The following SUN1 variants were observed in gnomAD, a reference collection of about 807,000 sequenced individuals.
SUN1 encodes the protein Sad1 and UNC84 domain containing 1.
SUN1 carries 61 observed loss-of-function variants against 103.2 expected under a neutral mutation model. The observed-to-expected ratio is 0.59, with a 90% CI of 0.48 to 0.73. SUN1 has a LOEUF of 0.73. Ranked by LOEUF, SUN1 falls within the 30% of genes least tolerant of loss-of-function variation. The pLI is 0.00. For synonymous variants in SUN1, 490 were observed against 425.7 expected, an observed-to-expected ratio of 1.15 and a Z score of -1.86; for missense variants, 1,052 against 1,034.6, an observed-to-expected ratio of 1.02 and a Z score of -0.23.
chr7:834,507 C>T (rs1180509437), intron 1 of SUN1, among the ~76,000 whole-genome samples: 2 of 152,192 alleles, frequency 1.3e-5, no homozygotes, highest in African/African-American at 4.8e-5. Flanking sequence ...CCTGGGCTGG[C>T]CTCCCGCAGA....
At chr7:816,642 C>A (rs770731644) in exon 1 of SUN1, 1 of 320,566 alleles carries the variant, frequency 3.1e-6, no homozygotes. Context: ...CTGGGCGGCG[C>A]AGACGAGGCC....
Position 841,930 on chromosome 7 carries a change from T to A in SUN1, c.267-16T>A, listed in dbSNP as rs2128296251. The A allele has an allele frequency of 6.2e-7, 1 of 1,612,904 alleles. No homozygotes were observed. The highest frequency in any genetic ancestry group is 1.3e-5 in the African/African-American group (1 of 75,032). ...TAGAAAAGATCTATAAACTTGCTGT[T>A]TTTTTTTCTTCTTAGAACAACAAAA... On this transcript the variant is annotated splice_polypyrimidine_tract_variant and intron_variant, in intron 2 of 18. Coordinates refer to ENST00000401592, the MANE Select transcript of SUN1 (RefSeq NM_001130965.3).
At chr7:822,144 A>C (rs560474590) in intron 1 of SUN1, among the ~76,000 whole-genome samples, 9 of 152,354 alleles carry the variant, frequency 5.9e-5, no homozygotes, top group Middle Eastern at 3.4e-3. Context: ...GTGTCAGATG[A>C]AAATACAGAA....
chr7:836,435 C>G (rs925495187), intron 1 of SUN1, among the ~76,000 whole-genome samples: 2 of 152,132 alleles, frequency 1.3e-5, no homozygotes, highest in East Asian at 3.8e-4. Flanking sequence ...GTTGAGTTGG[C>G]AAGGGGAGAC....
intron 1 of SUN1, among the ~76,000 whole-genome samples, chr7:825,546 G>A (rs1453138114): frequency 2.0e-5 from 3 of 152,136 alleles, no homozygotes; most frequent in Admixed American, 2.0e-4. Flanking sequence ...AAAATATGTG[G>A]CATACAGCCC....
chr7:854,719 A>G (rs960912480), intron 10 of SUN1, among the ~76,000 whole-genome samples: 2 of 152,194 alleles, frequency 1.3e-5, no homozygotes, highest in Admixed American at 6.5e-5. Flanking sequence ...AAATAAATAT[A>G]TATATAAATA....
chr7:867,583 C>T (rs1838019298), intron 16 of SUN1, among the ~76,000 whole-genome samples: 3 of 152,176 alleles, frequency 2.0e-5, no homozygotes, highest in Admixed American at 6.5e-5. Context: ...GGAGCTCAGC[C>T]CTCCCCTGGC....
At chr7:833,067 C>G (rs899983239) in intron 1 of SUN1, 4 of 157,260 alleles carry the variant, frequency 2.5e-5, no homozygotes, top group African/African-American at 9.6e-5. Flanking sequence ...TATTCCGATC[C>G]ACTGAACCAA....
At chr7:823,910 TG>T (rs1160212369) in intron 1 of SUN1, among the ~76,000 whole-genome samples, 11 of 152,198 alleles carry the variant, frequency 7.2e-5, no homozygotes, top group Non-Finnish European at 1.2e-4. Flanking sequence ...AAACGATGCC[TG>T]TGTACCAACT....
intron 9 of SUN1, 32 bp downstream of exon 9, chr7:852,984 C>T (rs1258963091): frequency 1.3e-6 from 2 of 1,597,146 alleles, no homozygotes; most frequent in Admixed American, 1.7e-5. Context: ...TCAGCTGGCA[C>T]TGCACATGTG....
chr7:852,608 G>T lies in SUN1; in HGVS notation c.852-1G>T. 1 of 1,614,180 alleles carries T rather than the reference G, an allele frequency of 6.2e-7. No individual in the cohort carries two copies. Among genetic ancestry groups the T allele is most frequent in the Non-Finnish European group, 8.5e-7 (1 of 1,180,034 alleles). The stretch of plus-strand genomic sequence containing the variant: ...TCAAAGGTTTTCATTGTTACTCCCA[G>T]GTGCCTTCGAAACATCTGCAAGTTT... On this transcript the variant is annotated splice_acceptor_variant, in intron 7 of 18. Transcript: ENST00000401592. LOFTEE classifies it high-confidence loss of function.
At chr7:844,085 C>T (rs1294459534) in intron 5 of SUN1, among the ~76,000 whole-genome samples, 3 of 152,210 alleles carry the variant, frequency 2.0e-5, no homozygotes, top group African/African-American at 7.2e-5. Context: ...GGGCTTCCCT[C>T]AGAGGCGACT....
chr7:838,001 G>A (rs1805149112), intron 1 of SUN1, among the ~76,000 whole-genome samples: 1 of 152,218 alleles, frequency 6.6e-6, no homozygotes, highest in Non-Finnish European at 1.5e-5. Context: ...AGTTAAAGAA[G>A]AACCTCTTTC....
At chr7:819,107 C>T (rs1422876469) in intron 1 of SUN1, among the ~76,000 whole-genome samples, 1 of 152,040 alleles carries the variant, frequency 6.6e-6, no homozygotes, top group Non-Finnish European at 1.5e-5. Context: ...AGGTGATCTG[C>T]CCGCCTCGCC....
At position 832,486 on chromosome 7, in the gene SUN1, T is replaced by G; in HGVS notation, c.-39T>G. On this transcript the variant is annotated 5_prime_UTR_variant, in exon 1 of 19. Coordinates refer to ENST00000401592, the MANE Select transcript of SUN1 (RefSeq NM_001130965.3). ...CCTGCCCGTTAAAACACTCTGCATT[T>G]CTTTCCCGCCCTCTGCAGTATGGTT... is the stretch of plus-strand genomic sequence containing the variant. 4.4e-6 allele frequency: 7 copies of G among 1,596,420 alleles called. No individual in the cohort carries two copies. The highest frequency in any genetic ancestry group is 6.0e-6 in the Non-Finnish European group (7 of 1,169,986).
At chr7:848,468 G>A (rs1221266745) in intron 5 of SUN1, 4 of 1,364,348 alleles carry the variant, frequency 2.9e-6, no homozygotes, top group Non-Finnish European at 2.9e-6. Context: ...CAGATACACT[G>A]CATCATCTTT....
intron 5 of SUN1, 114 bp downstream of exon 5, chr7:843,634 T>G (rs749606658): frequency 2.6e-5 from 41 of 1,592,004 alleles, no homozygotes; most frequent in Non-Finnish European, 2.0e-5. Flanking sequence ...AATTATCCCT[T>G]GAAAGCATAA....
At chr7:842,562 G>A in intron 3 of SUN1, 2 of 199,384 alleles carry the variant, frequency 1.0e-5, no homozygotes, top group South Asian at 2.1e-4. Context: ...GGGTTAGAGA[G>A]TTCTTAGAGA....
chr7:829,586 G>A (rs1158845341), upstream of SUN1, among the ~76,000 whole-genome samples: 2 of 143,068 alleles, frequency 1.4e-5, no homozygotes, highest in Non-Finnish European at 3.0e-5. Context: ...ATGGAGTCTC[G>A]CTCTGTCGCC....
Sources: allele counts gnomAD v4.1 joint callset (sites outside exome capture counted in the v4.1 genomes callset), GRCh38; gene constraint gnomAD v4.1.1; transcripts MANE v1.5; gene names NCBI Gene and HGNC (gene_info 2026-07-23, HGNC 2026-07-21).